The following RTN3 variants were observed in gnomAD, a reference collection of about 807,000 sequenced individuals.
RTN3 encodes the protein reticulon-3.
RTN3 carries 49 observed loss-of-function variants against 77.8 expected under a neutral mutation model. The ratio of observed to expected loss-of-function variants is 0.63; its 90% CI spans 0.50 to 0.80. The LOEUF (loss-of-function observed/expected upper bound fraction) is 0.80. Among genes scored for constraint, RTN3 ranks in the 30% least tolerant of loss-of-function variants. The pLI is 0.00. For synonymous variants in RTN3, 464 were observed against 446.9 expected (o/e 1.04, Z -0.48); for missense variants, 1,236 against 1,211.9 (o/e 1.02, Z -0.29).
At chr11:63,696,543 A>ATTT (rs71039663) in intron 1 of RTN3, among the ~76,000 whole-genome samples, 16 of 118,344 alleles carry the variant, frequency 1.4e-4, no homozygotes, top group Non-Finnish European at 1.8e-4. Flanking sequence ...CCCTGTCACT[A>ATTT]TTTTTTTTTT....
rs982475285 is a variant in RTN3 at position 63,684,545 on chromosome 11, G to A, written c.142+2767G>A. ...TGGCCTCATGTGATCTGCCCTCCTC[G>A]GCCTCCCAAAGTGCTGGGATTACAG... On this transcript the variant is annotated intron_variant, in intron 1 of 8. Transcript: ENST00000377819. 3.3e-5 allele frequency among the ~76,000 whole-genome samples: 5 copies of A among 151,884 alleles called. No individual in the cohort carries two copies. In the South Asian group the frequency reaches 8.3e-4, roughly 25 times the overall value.
chr11:63,733,329 AAC>A (rs1343351214), intron 3 of RTN3, among the ~76,000 whole-genome samples: 6 of 152,118 alleles, frequency 3.9e-5, no homozygotes, highest in African/African-American at 1.4e-4. Flanking sequence ...CTCTACTAAA[AAC>A]ACAAAAAATT....
intron 2 of RTN3, among the ~76,000 whole-genome samples, chr11:63,717,745 G>A (rs909591746): frequency 2.0e-5 from 3 of 151,114 alleles, no homozygotes; most frequent in African/African-American, 4.9e-5. Context: ...CAGGCGTAGC[G>A]GCTCACACCT....
chr11:63,698,080 C>T (rs1195043197), intron 1 of RTN3, among the ~76,000 whole-genome samples: 1 of 151,790 alleles, frequency 6.6e-6, no homozygotes, highest in Non-Finnish European at 1.5e-5. Flanking sequence ...CCCTCTACCA[C>T]TCTCATTTTA....
intron 1 of RTN3, among the ~76,000 whole-genome samples, chr11:63,684,995 A>T (rs1268202268): frequency 6.8e-6 from 1 of 147,750 alleles, no homozygotes; most frequent in South Asian, 2.2e-4. Context: ...CCTGACCTCA[A>T]GTGATCCGCC....
At chr11:63,728,386 C>T (rs1565328703) in intron 3 of RTN3, among the ~76,000 whole-genome samples, 1 of 152,128 alleles carries the variant, frequency 6.6e-6, no homozygotes, top group East Asian at 1.9e-4. Flanking sequence ...CCTAAGACCT[C>T]AGGCATGCAA....
Position 63,758,684 on chromosome 11 carries a change from T to C in RTN3, c.*483T>C, listed in dbSNP as rs1322814460. 3.5e-6 allele frequency: 1 copy of C among 288,838 alleles called. No individual in the cohort carries two copies. 17.9% of individuals were successfully genotyped at this position (288,838 alleles called of 1,614,324 possible). ...TTTTTTGCAGCCCTCAAATCCTATC[T>C]TCCTGCCCCACAATGTGAGCAGCTA... On this transcript the variant is annotated 3_prime_UTR_variant, in exon 9 of 9. Transcript: ENST00000377819.
Position 63,720,742 on chromosome 11 carries a change from C to T in RTN3, c.2240C>T (p.Ala747Val). The change falls in exon 3 of 9, where the codon GCT (alanine) becomes GTT (valine). Residue 747 changes from alanine (A) to valine (V), a missense_variant. Ala to Val is a moderately conservative substitution (Grantham distance 64). Around this residue, in one of 3 missense-constraint regions of RTN3, gnomAD observed 1,056 missense variants for 990.4 expected, o/e 1.07. Transcript: ENST00000377819. ...GAACAAGAACAGCTCACAATTAAGGCTCTTAAAGAATTAGGTGAAAGACAG... is the reference window on the plus strand; with the variant it reads ...GAACAAGAACAGCTCACAATTAAGGTTCTTAAAGAATTAGGTGAAAGACAG... ...DLEQEQLTIKALKELGERQVE... is the reference protein window; with the variant it reads ...DLEQEQLTIKVLKELGERQVE... 1 of 1,614,156 alleles carries T rather than the reference C, an allele frequency of 6.2e-7. No homozygotes were observed.
chr11:63,720,713 C>T lies in RTN3; in HGVS notation c.2211C>T (p.Asp737=), dbSNP rs2011716100. The change falls in exon 3 of 9, where the codon GAC becomes GAT. Residue 737 remains aspartate, a synonymous_variant. Coordinates refer to ENST00000377819, the MANE Select transcript of RTN3 (RefSeq NM_001265589.2). The stretch of plus-strand genomic sequence containing the variant: ...AAGGTACTCCAGTAGCATCTCTTGA[C>T]TTAGAACAAGAACAGCTCACAATTA... ...PTQGTPVASL[D]LEQEQLTIKA... 3.1e-6 allele frequency: 5 copies of T among 1,613,972 alleles called. No individual in the cohort carries two copies. The highest frequency in any genetic ancestry group is 1.3e-5 in the African/African-American group (1 of 74,902).
chr11:63,705,364 C>T (rs1438894893), intron 2 of RTN3, among the ~76,000 whole-genome samples: 1 of 152,172 alleles, frequency 6.6e-6, no homozygotes, highest in Non-Finnish European at 1.5e-5. Flanking sequence ...CCTGTAGTCC[C>T]AGCTACTCAG....
At chr11:63,756,198 A>G in intron 8 of RTN3, 28 bp downstream of exon 8, 1 of 1,513,006 alleles carries the variant, frequency 6.6e-7, no homozygotes, top group African/African-American at 1.4e-5. Context: ...CCACATCATC[A>G]TGAGGTATGC....
At chr11:63,750,687 G>A (rs1474467111) in intron 4 of RTN3, among the ~76,000 whole-genome samples, 1 of 150,736 alleles carries the variant, frequency 6.6e-6, no homozygotes, top group East Asian at 2.0e-4. Flanking sequence ...TCTGACCTTG[G>A]GTGATCCGCC....
chr11:63,682,264 A>G (rs370607268), intron 1 of RTN3, among the ~76,000 whole-genome samples: 13 of 152,316 alleles, frequency 8.5e-5, no homozygotes, highest in Middle Eastern at 3.4e-3. Flanking sequence ...TAGTCCTCCA[A>G]AATATTTTTG....
intron 1 of RTN3, among the ~76,000 whole-genome samples, chr11:63,691,619 G>T (rs1222920650): frequency 6.6e-6 from 1 of 152,136 alleles, no homozygotes; most frequent in Non-Finnish European, 1.5e-5. Flanking sequence ...TGGCCATTCT[G>T]TTCTTTCCTT....
chr11:63,732,980 G>A (rs2012800523), intron 3 of RTN3, among the ~76,000 whole-genome samples: 1 of 152,072 alleles, frequency 6.6e-6, no homozygotes, highest in Non-Finnish European at 1.5e-5. Context: ...GGCTAATTAG[G>A]GTTTGTTACA....
In RTN3 at chr11:63,717,477, TC is replaced by T. The variant is rs376836724; in HGVS notation, c.200-1223del. ...CAGCTCACTGCCATCAATGTCTGCCTCCTGGGTTCAAAGGATTCTCCTGCCT... is the reference window on the plus strand; with the variant it reads ...CAGCTCACTGCCATCAATGTCTGCCTCTGGGTTCAAAGGATTCTCCTGCCT... On this transcript the variant is annotated intron_variant, in intron 2 of 8. Transcript: ENST00000377819. 5.7e-4 allele frequency among the ~76,000 whole-genome samples: 81 copies of T among 141,814 alleles called. 1 individual carries two copies. The East Asian group carries it at 0.016, about 28-fold the overall frequency. The allele number at this position is 141,814 out of a possible 152,430, so 93.0% of individuals were successfully genotyped here.
Position 63,720,788 on chromosome 11 carries a change from A to G in RTN3, c.2286A>G (p.Ala762=). 1 of 1,614,100 alleles carries G rather than the reference A, an allele frequency of 6.2e-7. No homozygotes were observed. The highest frequency in any genetic ancestry group is 1.1e-5 in the South Asian group (1 of 91,086). The change falls in exon 3 of 9, where the codon GCA becomes GCG. Residue 762 remains alanine (A), a synonymous_variant. Coordinates refer to ENST00000377819, the MANE Select transcript of RTN3 (RefSeq NM_001265589.2). ...GACAGGTTGAGAAGTCAACTTCTGC[A>G]CAGCGTGACGCAGAATTGCCTTCTG... is the stretch of plus-strand genomic sequence containing the variant. ...GERQVEKSTS[A]QRDAELPSEE...
At chr11:63,704,766 G>A in intron 1 of RTN3, 85 bp from the exon 2 acceptor site, 2 of 939,258 alleles carry the variant, frequency 2.1e-6, no homozygotes, top group South Asian at 1.4e-5. Context: ...ATGATGCTTG[G>A]CTCTTCCTCC....
At chr11:63,694,249 T>C (rs1941815580) in intron 1 of RTN3, among the ~76,000 whole-genome samples, 1 of 152,000 alleles carries the variant, frequency 6.6e-6, no homozygotes, top group African/African-American at 2.4e-5. Flanking sequence ...TGATCTCGGC[T>C]CACTGCAACC....
Sources: gnomAD v4.1 joint callset for allele counts (sites outside exome capture counted in the v4.1 genomes callset) on GRCh38, gnomAD v4.1.1 for gene constraint, gnomAD v4.1.1 regional missense constraint, MANE v1.5 for transcripts, NCBI Gene and HGNC (gene_info 2026-07-23, HGNC 2026-07-21) for gene names.